CFI: variants seen among roughly 807,000 people sequenced by gnomAD.
CFI encodes complement factor I, also known as C3B/C4B inactivator.
A neutral mutation model predicts 78.8 loss-of-function variants in CFI; 66 were observed. The ratio of observed to expected loss-of-function variants is 0.84; its 90% CI spans 0.69 to 1.03. The LOEUF is 1.03. Ranked by LOEUF, CFI falls within the 50% of genes least tolerant of loss-of-function variation. The pLI, the probability that CFI is intolerant of heterozygous loss-of-function variation, is 0.00. For synonymous variants in CFI, 250 were observed against 232.6 expected, an observed-to-expected ratio of 1.07 and a Z score of -0.68; for missense variants, 706 against 704.5, an observed-to-expected ratio of 1.00 and a Z score of -0.02.
chr4:109,768,091 A>G (rs1728014011), intron 1 of CFI, among the ~76,000 whole-genome samples: 1 of 134,212 alleles, frequency 7.5e-6, no homozygotes, highest in South Asian at 2.5e-4. Context: ...ATGAGAACAC[A>G]TGGACACAGG....
Position 109,766,546 on chromosome 4 carries a change from C to T in CFI, c.328+8G>A. Reference sequence around the variant, plus strand: ...CATAGAATGACTTGAAAACTAGTCTCTTGCTACCTTCGGCTGTGCATGTTC... The same window carrying T: ...CATAGAATGACTTGAAAACTAGTCTTTTGCTACCTTCGGCTGTGCATGTTC... On this transcript the variant is annotated splice_region_variant and intron_variant, in intron 2 of 12. Coordinates refer to ENST00000394634, the MANE Select transcript of CFI (RefSeq NM_000204.5). 1 of 1,614,120 alleles carries T rather than the reference C, an allele frequency of 6.2e-7. No homozygotes were observed. Among genetic ancestry groups the T allele is most frequent in the Non-Finnish European group, 8.5e-7 (1 of 1,179,974 alleles).
In CFI at chr4:109,766,746, CTT is replaced by C; in HGVS notation, c.134_135del (p.Lys45SerfsTer11). The C allele has an allele frequency of 6.2e-7, 1 of 1,614,188 alleles. No individual in the cohort carries two copies. Among genetic ancestry groups the C allele is most frequent in the Non-Finnish European group, 8.5e-7 (1 of 1,180,014 alleles). On this transcript the variant is annotated frameshift_variant, in exon 2 of 13. Transcript: ENST00000394634. LOFTEE classifies it high-confidence loss of function. ...AKKYTHLSCD[K>X]VFCQPWQRCI... is the part of the protein sequence containing the mutation. The stretch of plus-strand genomic sequence containing the variant: ...CATCTCTGCCATGGCTGGCAGAAGA[CTT>C]TATCGCAGGAGAGGTGAGTATATTT...
chr4:109,755,171 T>A (rs990392310), intron 7 of CFI, among the ~76,000 whole-genome samples: 7 of 152,176 alleles, frequency 4.6e-5, no homozygotes, highest in African/African-American at 1.7e-4. Context: ...ACTAAAAAGC[T>A]AGTATGCACA....
At chr4:109,783,834 T>TATATA (rs57344652) in intron 1 of CFI, among the ~76,000 whole-genome samples, 14 of 139,728 alleles carry the variant, frequency 1.0e-4, no homozygotes, top group East Asian at 2.0e-4. Context: ...TATATATATA[T>TATATA]GATGGAATAC....
intron 1 of CFI, among the ~76,000 whole-genome samples, chr4:109,799,119 G>A (rs1443764945): frequency 3.3e-5 from 5 of 152,060 alleles, no homozygotes; most frequent in African/African-American, 1.2e-4. Flanking sequence ...CATGTATGGG[G>A]CTTCCTAAAC....
At chr4:109,748,644 A>G (rs6533452) in intron 10 of CFI, among the ~76,000 whole-genome samples, 110,923 of 152,024 alleles carry the variant, frequency 0.73, 40,691 homozygotes, top group East Asian at 0.87. Flanking sequence ...GAGGGGGCAA[A>G]TGCACTTGAG....
At position 109,769,158 on chromosome 4, in the gene CFI, A is replaced by AT. The variant is rs1389449502; in HGVS notation, c.58-2335dup. 9.2e-5 allele frequency among the ~76,000 whole-genome samples: 14 copies of AT among 152,200 alleles called. No homozygotes were observed. In the South Asian group the frequency reaches 2.9e-3, roughly 32 times the overall value. On this transcript the variant is annotated intron_variant, in intron 1 of 12. Coordinates refer to ENST00000394634, the MANE Select transcript of CFI (RefSeq NM_000204.5). ...TTGGATGAGAAATCCAAGCAACTTG[A>AT]TTTTTTTCTACCTTTATTCCTTTAA...
At chr4:109,789,138 A>G (rs1307947466) in intron 1 of CFI, among the ~76,000 whole-genome samples, 1 of 151,986 alleles carries the variant, frequency 6.6e-6, no homozygotes, top group Non-Finnish European at 1.5e-5. Flanking sequence ...AGACATATCA[A>G]TGGAAACTAC....
intron 6 of CFI, among the ~76,000 whole-genome samples, chr4:109,759,361 C>T (rs1726736125): frequency 1.3e-5 from 2 of 152,004 alleles, no homozygotes; most frequent in Admixed American, 6.5e-5. Context: ...CCAAACAGAA[C>T]ATTCAGATTC....
intron 8 of CFI, among the ~76,000 whole-genome samples, chr4:109,751,850 G>C (rs1279078910): frequency 6.6e-6 from 1 of 152,090 alleles, no homozygotes; most frequent in Non-Finnish European, 1.5e-5. Context: ...ACTGAAACAG[G>C]GAGCTATTTT....
At chr4:109,801,587 C>A (rs1732775001) in intron 1 of CFI, among the ~76,000 whole-genome samples, 1 of 152,306 alleles carries the variant, frequency 6.6e-6, no homozygotes, top group African/African-American at 2.4e-5. Context: ...GTCTCACTGT[C>A]TTCGTAGCAC....
At chr4:109,782,910 A>C (rs1221833409) in intron 1 of CFI, among the ~76,000 whole-genome samples, 1 of 152,206 alleles carries the variant, frequency 6.6e-6, no homozygotes, top group Admixed American at 6.5e-5. Context: ...CAAAGCAAGC[A>C]AAAACATAAA....
At position 109,761,531 on chromosome 4, in the gene CFI, T is replaced by A; in HGVS notation, c.644A>T (p.Tyr215Phe). Residue 215 changes from tyrosine to phenylalanine, a missense_variant, in exon 4 of 13, where the codon TAT (tyrosine) becomes TTT (phenylalanine). Tyr to Phe is a conservative substitution (Grantham distance 22). Transcript: ENST00000394634. ...GYQDFADVVC[Y>F]TQKADSPMDD... ...ACTCCACCAACCTGCTTTCTGTGTA[T>A]AACAAACCACATCAGCGAAATCCTG... 6.2e-7 allele frequency: 1 copy of A among 1,614,140 alleles called. No individual in the cohort carries two copies. Among genetic ancestry groups the A allele is most frequent in the Non-Finnish European group, 8.5e-7 (1 of 1,180,008 alleles).
intron 7 of CFI, among the ~76,000 whole-genome samples, chr4:109,753,022 A>ATTT (rs1725381387): frequency 2.7e-5 from 1 of 37,192 alleles, no homozygotes; most frequent in African/African-American, 1.4e-4. Flanking sequence ...TTTATTATAT[A>ATTT]AATAAATATT....
chr4:109,746,114 T>C, intron 11 of CFI, 108 bp downstream of exon 11: 1 of 1,295,524 alleles, frequency 7.7e-7, no homozygotes, highest in Non-Finnish European at 1.1e-6. Flanking sequence ...CTTTTCTGGA[T>C]ATGATGTTAT....
At chr4:109,790,349 G>C (rs1168382568) in intron 1 of CFI, among the ~76,000 whole-genome samples, 1 of 151,856 alleles carries the variant, frequency 6.6e-6, no homozygotes, top group Non-Finnish European at 1.5e-5. Context: ...TTTGGGTTTA[G>C]TTTGCTCTTC....
intron 1 of CFI, among the ~76,000 whole-genome samples, chr4:109,795,302 C>T (rs1003275452): frequency 5.3e-5 from 8 of 152,168 alleles, no homozygotes; most frequent in Admixed American, 2.6e-4. Context: ...TGGTCTCAAG[C>T]AACAAGCCGT....
At chr4:109,800,228 T>C (rs1043605835) in intron 1 of CFI, among the ~76,000 whole-genome samples, 1 of 151,996 alleles carries the variant, frequency 6.6e-6, no homozygotes, top group Non-Finnish European at 1.5e-5. Flanking sequence ...AATAAAATTT[T>C]AGGGTAAAAT....
the CFI span, among the ~76,000 whole-genome samples, chr4:109,731,050 C>A: frequency 9.7e-3 from 1,482 of 152,200 alleles, 27 homozygotes; most frequent in African/African-American, 0.033. Context: ...AGATCCAGAG[C>A]AATGTTGAAA....
Sources: gnomAD v4.1 joint callset for allele counts (sites outside exome capture counted in the v4.1 genomes callset) on GRCh38, gnomAD v4.1.1 for gene constraint, MANE v1.5 for transcripts, NCBI Gene and HGNC (gene_info 2026-07-23, HGNC 2026-07-21) for gene names.